The following DMD variants were observed in gnomAD, a reference collection of about 807,000 sequenced individuals.
DMD encodes mutant dystrophin.
In DMD, 63 loss-of-function variants were observed where a neutral mutation model predicts 330.1. The ratio of observed to expected loss-of-function variants is 0.19; its 90% CI spans 0.16 to 0.24. DMD has a LOEUF of 0.24. Ranked by LOEUF, DMD falls within the 10% of genes least tolerant of loss-of-function variation. The pLI is 1.00. For synonymous variants in DMD, 1,223 were observed against 959.8 expected, an observed-to-expected ratio of 1.27 and a Z score of -5.07; for missense variants, 3,344 against 2,684.1, an observed-to-expected ratio of 1.25 and a Z score of -5.43.
intron 47 of DMD, among the ~76,000 whole-genome samples, chrX:31,898,911 G>A (rs2094385685): frequency 8.9e-6 from 1 of 111,762 alleles, no homozygotes; most frequent in South Asian, 3.7e-4. Context: ...AATAAGTTCA[G>A]TGAAGGTTGC....
chrX:31,970,373 A>T (rs2095388120), intron 44 of DMD, among the ~76,000 whole-genome samples: 1 of 110,967 alleles, frequency 9.0e-6, no homozygotes, highest in Non-Finnish European at 1.9e-5. Context: ...GATTCAAATA[A>T]ATAAGCACAA....
intron 62 of DMD, among the ~76,000 whole-genome samples, chrX:31,304,136 T>C (rs894476905): frequency 2.7e-5 from 3 of 112,080 alleles, no homozygotes; most frequent in Non-Finnish European, 5.6e-5. Context: ...GTTTCTACTT[T>C]TACAAATATA....
intron 1 of DMD, among the ~76,000 whole-genome samples, chrX:33,038,051 TAA>T (rs1274724903): frequency 8.9e-6 from 1 of 112,452 alleles, no homozygotes; most frequent in Non-Finnish European, 1.9e-5. Flanking sequence ...CAAGGGCAGT[TAA>T]GTGTCAAAAT....
chrX:32,935,103 C>A (rs771681933), intron 2 of DMD, among the ~76,000 whole-genome samples: 19 of 112,220 alleles, frequency 1.7e-4, no homozygotes, highest in South Asian at 7.3e-4. Flanking sequence ...CTCAGCCTCC[C>A]GAGTAGCTGG....
chrX:31,386,023 A>G (rs1207323746), intron 60 of DMD, among the ~76,000 whole-genome samples: 1 of 112,520 alleles, frequency 8.9e-6, no homozygotes, highest in East Asian at 2.8e-4. Context: ...TGGCACATAT[A>G]CACCATGGAA....
At chrX:31,809,998 T>C (rs1241967972) in intron 50 of DMD, among the ~76,000 whole-genome samples, 1 of 110,578 alleles carries the variant, frequency 9.0e-6, no homozygotes, top group Non-Finnish European at 1.9e-5. Context: ...TTCTTGGTAT[T>C]ATTATTATTA....
chrX:33,152,496 G>A (rs1421548707), intron 1 of DMD, among the ~76,000 whole-genome samples: 1 of 110,256 alleles, frequency 9.1e-6, no homozygotes, highest in Non-Finnish European at 1.9e-5. Flanking sequence ...TTTCTAATGA[G>A]AAAATAGTAG....
At chrX:32,474,582 G>T (rs1603634368) in intron 21 of DMD, among the ~76,000 whole-genome samples, 1 of 111,791 alleles carries the variant, frequency 8.9e-6, no homozygotes, top group Non-Finnish European at 1.9e-5. Flanking sequence ...GTATCACATG[G>T]TGGTTTTGAT....
chrX:33,034,958 A>AATCTATGG (rs2094180024), intron 1 of DMD, among the ~76,000 whole-genome samples: 1 of 111,789 alleles, frequency 8.9e-6, no homozygotes, highest in Non-Finnish European at 1.9e-5. Context: ...CCTATCCTGA[A>AATCTATGG]ATCTATGGGC....
chrX:32,851,189 C>T (rs1173224138), intron 2 of DMD, among the ~76,000 whole-genome samples: 1 of 111,175 alleles, frequency 9.0e-6, no homozygotes, highest in African/African-American at 3.3e-5. Context: ...CGATTAAAAA[C>T]ATAGGATTTA....
At chrX:31,331,886 A>T (rs143305997) in intron 61 of DMD, among the ~76,000 whole-genome samples, 1,411 of 112,317 alleles carry the variant, frequency 0.013, 14 homozygotes, top group African/African-American at 0.042. Context: ...AGCAACTCAG[A>T]TATTAAAAAC....
chrX:33,150,020 A>G (rs1487225575), intron 1 of DMD, among the ~76,000 whole-genome samples: 1 of 111,823 alleles, frequency 8.9e-6, no homozygotes, highest in Non-Finnish European at 1.9e-5. Flanking sequence ...ATTATATACT[A>G]CATAATTTGA....
chrX:32,186,578 TC>T (rs2096948754), intron 44 of DMD, among the ~76,000 whole-genome samples: 1 of 111,717 alleles, frequency 9.0e-6, no homozygotes, highest in Non-Finnish European at 1.9e-5. Flanking sequence ...CAATTTTGAT[TC>T]TAGTTTTCCA....
At chrX:31,221,840 G>A (rs1356910915) in intron 64 of DMD, among the ~76,000 whole-genome samples, 2 of 111,428 alleles carry the variant, frequency 1.8e-5, no homozygotes, top group East Asian at 2.8e-4. Flanking sequence ...TGAATCACCT[G>A]AGGTCAGGAG....
At chrX:31,362,878 A>G (rs2059015896) in intron 60 of DMD, among the ~76,000 whole-genome samples, 1 of 112,604 alleles carries the variant, frequency 8.9e-6, no homozygotes, top group Non-Finnish European at 1.9e-5. Context: ...TGAACCCCGG[A>G]GGCGGAGCTT....
intron 44 of DMD, among the ~76,000 whole-genome samples, chrX:32,014,142 G>A (rs2095739961): frequency 8.9e-6 from 1 of 112,129 alleles, no homozygotes; most frequent in African/African-American, 3.2e-5. Flanking sequence ...TAATTAAGAA[G>A]CATTATATCA....
chrX:32,575,550 CA>C (rs1047161994), intron 13 of DMD, among the ~76,000 whole-genome samples: 5 of 112,453 alleles, frequency 4.4e-5, no homozygotes, highest in African/African-American at 1.6e-4. Context: ...TTAGTCACTT[CA>C]ACCATCTAAT....
chrX:31,721,718 C>CTCTATATATA (rs1227959078), intron 52 of DMD, among the ~76,000 whole-genome samples: 3 of 56,497 alleles, frequency 5.3e-5, no homozygotes, highest in Non-Finnish European at 6.7e-5. Context: ...CTCTCTCTCT[C>CTCTATATATA]TATATATATA....
intron 1 of DMD, among the ~76,000 whole-genome samples, chrX:33,067,119 GTC>G (rs1265683849): frequency 8.9e-6 from 1 of 112,072 alleles, no homozygotes; most frequent in African/African-American, 3.2e-5. Context: ...TTCAGTAAGT[GTC>G]TGCAGGGAGT....
Sources: allele counts gnomAD v4.1 joint callset (sites outside exome capture counted in the v4.1 genomes callset), GRCh38; gene constraint gnomAD v4.1.1; transcripts MANE v1.5; gene names NCBI Gene and HGNC (gene_info 2026-07-23, HGNC 2026-07-21).